The following PATJ variants were observed in gnomAD, a reference collection of about 807,000 sequenced individuals.
The protein encoded by PATJ is inaD-like protein.
A neutral mutation model predicts 224.9 loss-of-function variants in PATJ; 190 were observed. That is an observed-to-expected ratio of 0.84 (90% CI 0.75 to 0.95). PATJ has a LOEUF of 0.95. Among genes scored for constraint, PATJ ranks in the 40% least tolerant of loss-of-function variants. The probability of loss-of-function intolerance (pLI) is 0.00; values close to 1 mark genes in which losing one functional copy is unlikely to be tolerated. For missense variants in PATJ, 2,121 were observed against 2,270.3 expected (o/e 0.93, Z 1.34); for synonymous variants, 769 against 820.3 (o/e 0.94, Z 1.07).
At chr1:62,076,875 T>C (rs756231922) in intron 31 of PATJ, among the ~76,000 whole-genome samples, 109 of 152,200 alleles carry the variant, frequency 7.2e-4, no homozygotes, top group Non-Finnish European at 4.6e-4. Context: ...AGGTAAGTAC[T>C]GTGTGAGTTA....
At chr1:61,810,426 T>C (rs1305006829) in intron 14 of PATJ, among the ~76,000 whole-genome samples, 2 of 151,788 alleles carry the variant, frequency 1.3e-5, no homozygotes, top group South Asian at 2.1e-4. Context: ...AAGCTGGGTG[T>C]GGTGGCTCAC....
At chr1:61,882,730 C>T (rs1435364831) in intron 21 of PATJ, among the ~76,000 whole-genome samples, 20 of 152,222 alleles carry the variant, frequency 1.3e-4, no homozygotes, top group Admixed American at 6.5e-5. Flanking sequence ...AGATTACAGG[C>T]GTGCTCCACC....
intron 27 of PATJ, among the ~76,000 whole-genome samples, chr1:61,946,149 G>A (rs1372966794): frequency 2.0e-5 from 3 of 151,708 alleles, no homozygotes; most frequent in Non-Finnish European, 2.9e-5. Flanking sequence ...ACATCACAAT[G>A]AAAAGAACTA....
intron 21 of PATJ, among the ~76,000 whole-genome samples, chr1:61,877,955 A>G (rs1017327547): frequency 5.3e-5 from 8 of 152,148 alleles, no homozygotes; most frequent in Non-Finnish European, 8.8e-5. Context: ...CAGCTCTGTA[A>G]AGTGTAACTG....
chr1:62,020,910 C>T (rs1182396186), intron 29 of PATJ, among the ~76,000 whole-genome samples: 7 of 152,132 alleles, frequency 4.6e-5, no homozygotes, highest in Admixed American at 4.6e-4. Context: ...ACTGCAACCA[C>T]TGCCTCCCAG....
In PATJ at chr1:61,927,787, G is replaced by C; in HGVS notation, c.3628G>C (p.Asp1210His). 1.2e-6 allele frequency: 2 copies of C among 1,613,484 alleles called. No individual in the cohort carries two copies. The highest frequency in any genetic ancestry group is 1.7e-6 in the Non-Finnish European group (2 of 1,179,700). ...TCCTCCTCCTTATAAAGCTCTGACT[G>C]ATGACAGTGATGAAAATGAAGAAGA... ...KLPPPYKALT[D>H]DSDENEEEDA... Residue 1210 changes from aspartate (D) to histidine (H), a missense_variant, in exon 27 of 44, where the codon GAT (aspartate) becomes CAT (histidine). By Grantham distance (81) the Asp-to-His change is moderately conservative. Transcript: ENST00000642238.
intron 27 of PATJ, among the ~76,000 whole-genome samples, chr1:61,978,753 T>C (rs1258065817): frequency 6.6e-6 from 1 of 152,086 alleles, no homozygotes; most frequent in Non-Finnish European, 1.5e-5. Context: ...TTTAAATGTT[T>C]TCTCTGTATT....
At chr1:61,825,618 A>G (rs1307039465) in intron 15 of PATJ, among the ~76,000 whole-genome samples, 2 of 152,170 alleles carry the variant, frequency 1.3e-5, no homozygotes, top group African/African-American at 4.8e-5. Context: ...TATTTACAGC[A>G]GCTATAAATC....
chr1:62,098,440 C>T (rs1347761925), intron 33 of PATJ, among the ~76,000 whole-genome samples: 1 of 151,368 alleles, frequency 6.6e-6, no homozygotes, highest in Non-Finnish European at 1.5e-5. Context: ...ATTAAAAATA[C>T]AAAAATTAGC....
At chr1:61,805,755 C>T (rs1478870858) in intron 13 of PATJ, among the ~76,000 whole-genome samples, 2 of 152,200 alleles carry the variant, frequency 1.3e-5, no homozygotes, top group Admixed American at 6.5e-5. Context: ...TTAGGAGACA[C>T]TCAGTTCGTG....
intron 22 of PATJ, among the ~76,000 whole-genome samples, chr1:61,895,867 G>A (rs561550088): frequency 1.3e-3 from 200 of 152,332 alleles, no homozygotes; most frequent in African/African-American, 4.6e-3. Flanking sequence ...CCTCCAGCTT[G>A]TGAAAGCAGC....
intron 28 of PATJ, among the ~76,000 whole-genome samples, chr1:62,002,063 G>C (rs1029637518): frequency 1.3e-5 from 2 of 152,104 alleles, no homozygotes; most frequent in African/African-American, 4.8e-5. Flanking sequence ...GGGGATGCGG[G>C]TGATTAGGCT....
intron 13 of PATJ, among the ~76,000 whole-genome samples, chr1:61,808,034 GAT>G (rs1415927779): frequency 6.6e-6 from 1 of 152,178 alleles, no homozygotes; most frequent in Non-Finnish European, 1.5e-5. Flanking sequence ...TGGAAAGTCA[GAT>G]GCTTTAGTTT....
chr1:61,998,473 C>T (rs2149591648), intron 28 of PATJ, among the ~76,000 whole-genome samples: 1 of 152,212 alleles, frequency 6.6e-6, no homozygotes, highest in Non-Finnish European at 1.5e-5. Context: ...GCAGTCTTCC[C>T]ACCTCAACCT....
chr1:61,963,964 A>C (rs1053207503), intron 27 of PATJ, among the ~76,000 whole-genome samples: 3 of 152,188 alleles, frequency 2.0e-5, no homozygotes, highest in Non-Finnish European at 2.9e-5. Context: ...TAAAAGCTTT[A>C]GTTGAATGTT....
chr1:61,748,246 C>CTTTTTTT (rs35918825), intron 1 of PATJ, among the ~76,000 whole-genome samples: 2 of 65,108 alleles, frequency 3.1e-5, no homozygotes, highest in African/African-American at 6.5e-5. Flanking sequence ...GCCTTAATGC[C>CTTTTTTT]TTTTTTTTTT....
rs533742602 is a variant in PATJ, at chr1:61,950,135, C to A, written c.3670+22306C>A. ...AGGAGAATCGCTTGAACCCAGGAGG[C>A]GGAGGTTGCGGTGAGCCGAGATCAC... On this transcript the variant is annotated intron_variant, in intron 27 of 43. Transcript: ENST00000642238. Among the ~76,000 whole-genome samples the A allele has an allele frequency of 3.3e-5, 5 of 152,042 alleles. No homozygotes were observed. The South Asian group carries it at 1.0e-3, about 32-fold the overall frequency.
At chr1:62,145,525 G>A (rs2476199) in intron 41 of PATJ, among the ~76,000 whole-genome samples, 3,417 of 152,204 alleles carry the variant, frequency 0.022, 89 homozygotes, top group African/African-American at 0.066. Context: ...GCTGGGCATG[G>A]TGGTGCATGC....
At chr1:61,757,631 C>G (rs1490376947) in intron 1 of PATJ, among the ~76,000 whole-genome samples, 1 of 152,194 alleles carries the variant, frequency 6.6e-6, no homozygotes, top group Non-Finnish European at 1.5e-5. Context: ...AGCAACCCAC[C>G]TGCCTTGGTC....
Sources: gnomAD v4.1 joint callset for allele counts (sites outside exome capture counted in the v4.1 genomes callset) on GRCh38, gnomAD v4.1.1 for gene constraint, MANE v1.5 for transcripts, NCBI Gene and HGNC (gene_info 2026-07-23, HGNC 2026-07-21) for gene names.